The following ZFHX3 variants were observed in gnomAD, a reference collection of about 807,000 sequenced individuals.
The protein encoded by ZFHX3 is zinc finger homeobox protein 3.
Under a neutral mutation model 279.1 loss-of-function variants are expected in ZFHX3, and 42 were observed. The ratio of observed to expected loss-of-function variants is 0.15; its 90% CI spans 0.12 to 0.19. The LOEUF is 0.19. ZFHX3 is among the 10% of genes least tolerant of loss of function. The pLI, the probability that ZFHX3 is intolerant of heterozygous loss-of-function variation, is 1.00. For synonymous variants in ZFHX3, 2,293 were observed against 1,957.8 expected (o/e 1.17, Z -4.52); for missense variants, 4,981 against 4,754.0 (o/e 1.05, Z -1.40).
At chr16:73,172,171 A>G (rs929942320) in intron 5 of ZFHX3, among the ~76,000 whole-genome samples, 3 of 152,136 alleles carry the variant, frequency 2.0e-5, no homozygotes, top group African/African-American at 7.2e-5. Context: ...TTGAGAGGTT[A>G]TGGACACTCT....
At position 72,958,541 on chromosome 16, in the gene ZFHX3, T is replaced by C; in HGVS notation, c.1605A>G (p.Leu535=). The C allele has an allele frequency of 6.2e-7, 1 of 1,614,128 alleles. No individual in the cohort carries two copies. Among genetic ancestry groups the C allele is most frequent in the Non-Finnish European group, 8.5e-7 (1 of 1,180,036 alleles). ...LSNQSISNSP[L]MPNVLQTLSR... ...ACAGGGTCTGGAGCACGTTAGGCAT[T>C]AAGGGGGAGTTAGAAATGCTTTGGT... Residue 535 remains leucine, a synonymous_variant, in exon 2 of 10, where the codon TTA becomes TTG. Coordinates refer to ENST00000268489, the MANE Select transcript of ZFHX3 (RefSeq NM_006885.4).
chr16:73,605,864 G>T (rs578157157), intron 2 of ZFHX3, among the ~76,000 whole-genome samples: 1 of 152,040 alleles, frequency 6.6e-6, no homozygotes, highest in East Asian at 1.9e-4. Context: ...TATAAAAAAC[G>T]TTTTTTCTTC....
At chr16:73,812,350 A>G (rs918699778) in intron 1 of ZFHX3, among the ~76,000 whole-genome samples, 12 of 152,082 alleles carry the variant, frequency 7.9e-5, no homozygotes, top group African/African-American at 2.7e-4. Flanking sequence ...CTGGCATAAT[A>G]AATTTCTTTT....
chr16:73,193,198 T>C (rs568466485), intron 5 of ZFHX3, among the ~76,000 whole-genome samples: 2 of 152,262 alleles, frequency 1.3e-5, no homozygotes, highest in South Asian at 4.2e-4. Context: ...AAGAGAATTG[T>C]TACTGGGGGC....
chr16:73,208,591 A>G (rs1001129257), intron 5 of ZFHX3, among the ~76,000 whole-genome samples: 1 of 152,368 alleles, frequency 6.6e-6, no homozygotes, highest in Admixed American at 6.5e-5. Flanking sequence ...GCATTAAGTG[A>G]CAAAAGTAGG....
At chr16:73,397,856 T>G (rs571667915) in intron 3 of ZFHX3, among the ~76,000 whole-genome samples, 1 of 152,094 alleles carries the variant, frequency 6.6e-6, no homozygotes, top group Non-Finnish European at 1.5e-5. Context: ...CGCTTTTGTT[T>G]CTTTTGGAGA....
chr16:72,793,910 G>A lies in ZFHX3; in HGVS notation c.8772C>T (p.Cys2924=). ...ATCCACTCGCACCAGGACTCGGGGA[G>A]CAGGGATCTGCAAGGCTTGAGGTTT... is the stretch of plus-strand genomic sequence containing the variant. ...YSETSSLADP[C]SPSPGASGSA... Residue 2924 remains cysteine (C), a synonymous_variant, in exon 9 of 10, where the codon TGC becomes TGT. Transcript: ENST00000268489. The surrounding 1 kb of genome is among the most constrained non-coding windows in gnomAD (Gnocchi z 4.3). 1.2e-6 allele frequency: 2 copies of A among 1,614,208 alleles called. No homozygotes were observed. The highest frequency in any genetic ancestry group is 1.7e-6 in the Non-Finnish European group (2 of 1,180,040).
intron 3 of ZFHX3, among the ~76,000 whole-genome samples, chr16:72,897,685 C>T (rs1462902487): frequency 6.6e-6 from 1 of 152,176 alleles, no homozygotes. Context: ...AAAGAATCCT[C>T]CCACTTCAGC....
chr16:73,066,302 C>T (rs891734557), intron 8 of ZFHX3, among the ~76,000 whole-genome samples: 3 of 152,186 alleles, frequency 2.0e-5, no homozygotes, highest in African/African-American at 7.2e-5. Flanking sequence ...CCCCTTCCCT[C>T]CCCGCCTCTC....
rs62639991 is a variant in ZFHX3, at chr16:72,787,794, C to T, written c.10482G>A (p.Val3494=). 124 of 1,613,198 alleles carry T rather than the reference C, an allele frequency of 7.7e-5. No individual in the cohort carries two copies. The African/African-American group carries it at 1.5e-3, about 20-fold the overall frequency. The change falls in exon 10 of 10, where the codon GTG becomes GTA. Residue 3494 remains valine, a synonymous_variant. Transcript: ENST00000268489. ...GAAGCACCATCTCTTGCAGGTTCAC[C>T]ACAGACTGGCCGAAGAAGCAGAGGG... ...LKSLCFFGQS[V]VNLQEMVLHV... is the part of the protein sequence containing the mutation.
intron 1 of ZFHX3, among the ~76,000 whole-genome samples, chr16:73,723,118 TAACAATATC>T (rs896098687): frequency 2.0e-5 from 3 of 152,204 alleles, no homozygotes; most frequent in African/African-American, 7.2e-5. Flanking sequence ...ACAGATTACC[TAACAATATC>T]CACTATGAGA....
At chr16:73,862,494 G>A (rs1597148521) in intron 1 of ZFHX3, among the ~76,000 whole-genome samples, 1 of 152,296 alleles carries the variant, frequency 6.6e-6, no homozygotes, top group East Asian at 1.9e-4. Flanking sequence ...ATGTGACGAG[G>A]ACGGTTGCTG....
rs556418463 is a variant in ZFHX3 at position 73,509,611 on chromosome 16, A to AC, written c.-1546-53354dup. On this transcript the variant is annotated intron_variant, in intron 2 of 17. Transcript: ENST00000641206. ...ACAATCTTGGCTCACTGCAACCTCC[A>AC]CCCCCTGGGTTCAAGCGATTCTCCT... 2.3e-3 allele frequency among the ~76,000 whole-genome samples: 273 copies of AC among 116,876 alleles called. 4 individuals are homozygous for AC. The highest frequency in any genetic ancestry group is 9.3e-3 in the African/African-American group (263 of 28,360). The allele number at this position is 116,876 out of a possible 152,430, so 76.7% of individuals were successfully genotyped here.
At position 72,787,274 on chromosome 16, in the gene ZFHX3, G is replaced by A; in HGVS notation, c.11002C>T (p.Leu3668Phe). ...GCCGGTCCGTCGGACTTTTGGCTGA[G>A]ATCCGTGTCAGACTCCTCCGAATAG... Reference protein sequence around the residue: ...DDYSEESDTDLSQKSDGPASP... With the variant: ...DDYSEESDTDFSQKSDGPASP... Residue 3668 changes from leucine to phenylalanine, a missense_variant, in exon 10 of 10, where the codon CTC becomes TTC. By Grantham distance (22) the Leu-to-Phe change is conservative. This residue lies in a region of ZFHX3 where 1,034 missense variants were observed against 786.0 expected (regional missense o/e 1.32). Coordinates refer to ENST00000268489, the MANE Select transcript of ZFHX3 (RefSeq NM_006885.4). 6.2e-7 allele frequency: 1 copy of A among 1,614,064 alleles called. No homozygotes were observed. The highest frequency in any genetic ancestry group is 8.5e-7 in the Non-Finnish European group (1 of 1,180,026).
intron 7 of ZFHX3, among the ~76,000 whole-genome samples, chr16:72,808,602 G>C (rs912945906): frequency 6.6e-6 from 1 of 152,212 alleles, no homozygotes; most frequent in African/African-American, 2.4e-5. Flanking sequence ...TATTACAAGT[G>C]CATTTCCCAC....
At chr16:72,986,860 AC>A (rs1962869393) in intron 1 of ZFHX3, among the ~76,000 whole-genome samples, 1 of 151,986 alleles carries the variant, frequency 6.6e-6, no homozygotes, top group Non-Finnish European at 1.5e-5. Flanking sequence ...AAAACATAGA[AC>A]CCAGCCAGGT....
At chr16:72,863,340 T>TAAAA (rs66692129) in intron 4 of ZFHX3, among the ~76,000 whole-genome samples, 22 of 64,626 alleles carry the variant, frequency 3.4e-4, no homozygotes, top group African/African-American at 1.3e-3. Flanking sequence ...TCATCTCTAC[T>TAAAA]AAAAAAAAAA....
chr16:72,983,399 C>T (rs1347377070), intron 1 of ZFHX3, among the ~76,000 whole-genome samples: 1 of 152,150 alleles, frequency 6.6e-6, no homozygotes, highest in Admixed American at 6.5e-5. Flanking sequence ...GAGGGCAACC[C>T]CAAAGGGGTC....
At chr16:73,028,846 T>C (rs1046519448) in intron 1 of ZFHX3, among the ~76,000 whole-genome samples, 3 of 152,204 alleles carry the variant, frequency 2.0e-5, no homozygotes, top group African/African-American at 7.2e-5. Flanking sequence ...GTTCCTCTGT[T>C]GTGAGCAGGG....
Sources: allele counts gnomAD v4.1 joint callset (sites outside exome capture counted in the v4.1 genomes callset), GRCh38; gene constraint gnomAD v4.1.1; regional missense constraint gnomAD v4.1.1; non-coding constraint Gnocchi (gnomAD v3.1); transcripts MANE v1.5; gene names NCBI Gene and HGNC (gene_info 2026-07-23, HGNC 2026-07-21).